The following ASAP1 variants were observed in gnomAD, a reference collection of about 807,000 sequenced individuals.
ASAP1 encodes arf-GAP with SH3 domain, ANK repeat and PH domain-containing protein 1.
A neutral mutation model predicts 145.2 loss-of-function variants in ASAP1; 43 were observed. The observed-to-expected ratio is 0.30, with a 90% CI of 0.23 to 0.38. ASAP1 has a LOEUF of 0.38. ASAP1 is among the 10% of genes least tolerant of loss of function. ASAP1 has a pLI of 1.00. For synonymous variants in ASAP1, 546 were observed against 515.5 expected (o/e 1.06, Z -0.80); for missense variants, 1,018 against 1,355.3 (o/e 0.75, Z 3.91).
chr8:130,116,072 A>C (rs1458416237), intron 22 of ASAP1, among the ~76,000 whole-genome samples: 10 of 152,232 alleles, frequency 6.6e-5, no homozygotes, highest in Non-Finnish European at 1.5e-5. Context: ...GTCCCAGTCC[A>C]ATCTGTGGCC....
chr8:130,407,655 CCA>C (rs932820720), intron 1 of ASAP1, among the ~76,000 whole-genome samples: 13 of 152,234 alleles, frequency 8.5e-5, no homozygotes, highest in Admixed American at 6.5e-4. Flanking sequence ...TTGTTACCAC[CCA>C]CGTTTCTGCT....
At chr8:130,070,896 A>G (rs1465803509) in intron 27 of ASAP1, among the ~76,000 whole-genome samples, 2 of 26,028 alleles carry the variant, frequency 7.7e-5, no homozygotes, top group Non-Finnish European at 1.3e-4. Flanking sequence ...AGAGAGGGAG[A>G]GAGGGAGGGA....
At chr8:130,282,418 A>G (rs1308106890) in intron 3 of ASAP1, among the ~76,000 whole-genome samples, 1 of 152,232 alleles carries the variant, frequency 6.6e-6, no homozygotes, top group Non-Finnish European at 1.5e-5. Context: ...TTATTAGTCT[A>G]TTGGTAAAAA....
At chr8:130,435,947 G>C (rs1221724729) in intron 1 of ASAP1, among the ~76,000 whole-genome samples, 1 of 152,202 alleles carries the variant, frequency 6.6e-6, no homozygotes, top group East Asian at 1.9e-4. Flanking sequence ...CTTTGCTGAA[G>C]CATAATACTG....
rs372376137 is a variant in ASAP1, at chr8:130,138,751, G to A, written c.1081-1713C>T. ...CTCGGGAGGCTGAGGCAGGAGAATC[G>A]CTTGAACTTGGGAGGTGGAGGTTGC... is the stretch of plus-strand genomic sequence containing the variant. On this transcript the variant is annotated intron_variant, in intron 13 of 29. Coordinates refer to ENST00000518721, the MANE Select transcript of ASAP1 (RefSeq NM_018482.4). Among the ~76,000 whole-genome samples, 5 of 150,246 alleles carry A rather than the reference G, an allele frequency of 3.3e-5. No individual in the cohort carries two copies. In the East Asian group the frequency reaches 5.9e-4, roughly 18 times the overall value.
At chr8:130,123,524 G>A (rs1326647083) in intron 18 of ASAP1, among the ~76,000 whole-genome samples, 8 of 152,134 alleles carry the variant, frequency 5.3e-5, no homozygotes, top group South Asian at 2.1e-4. Flanking sequence ...TGTGCATCCC[G>A]GAAATACATT....
intron 4 of ASAP1, among the ~76,000 whole-genome samples, chr8:130,217,996 A>G (rs536974234): frequency 1.6e-4 from 24 of 152,170 alleles, no homozygotes; most frequent in Non-Finnish European, 3.5e-4. Context: ...AGTGGTTGTC[A>G]GCATCTCAGG....
At chr8:130,218,953 T>C (rs960049134) in intron 4 of ASAP1, among the ~76,000 whole-genome samples, 2 of 152,088 alleles carry the variant, frequency 1.3e-5, no homozygotes, top group East Asian at 3.9e-4. Context: ...ATATATATAA[T>C]TTCCTAGCAT....
chr8:130,410,381 CG>C (rs1829213295), intron 1 of ASAP1, among the ~76,000 whole-genome samples: 1 of 152,096 alleles, frequency 6.6e-6, no homozygotes, highest in African/African-American at 2.4e-5. Context: ...GAAACAGCCT[CG>C]GGACCCCCAA....
chr8:130,327,542 G>A (rs1824414217), intron 3 of ASAP1, among the ~76,000 whole-genome samples: 1 of 152,104 alleles, frequency 6.6e-6, no homozygotes, highest in Non-Finnish European at 1.5e-5. Context: ...AAGACTCTCA[G>A]GTGACTCTAC....
At chr8:130,146,717 G>C (rs911593006) in intron 13 of ASAP1, among the ~76,000 whole-genome samples, 1 of 152,104 alleles carries the variant, frequency 6.6e-6, no homozygotes, top group Non-Finnish European at 1.5e-5. Flanking sequence ...TATCTTCAGC[G>C]CTCTGGATGG....
chr8:130,247,256 C>A (rs1818907096), intron 3 of ASAP1, among the ~76,000 whole-genome samples: 1 of 152,078 alleles, frequency 6.6e-6, no homozygotes, highest in Non-Finnish European at 1.5e-5. Context: ...TCTTTTCTCC[C>A]CAGTATTGAT....
chr8:130,307,390 A>T (rs1823058536), intron 3 of ASAP1, among the ~76,000 whole-genome samples: 1 of 152,196 alleles, frequency 6.6e-6, no homozygotes, highest in African/African-American at 2.4e-5. Flanking sequence ...GGGAACTGTT[A>T]ATCTATAATA....
intron 3 of ASAP1, among the ~76,000 whole-genome samples, chr8:130,254,844 C>T (rs146083074): frequency 0.012 from 1,878 of 151,856 alleles, 12 homozygotes; most frequent in Non-Finnish European, 0.019. Flanking sequence ...GTAGCAACAA[C>T]CAATCTAACA....
chr8:130,345,121 G>T (rs1825628745), intron 3 of ASAP1, among the ~76,000 whole-genome samples: 1 of 152,108 alleles, frequency 6.6e-6, no homozygotes, highest in South Asian at 2.1e-4. Flanking sequence ...TGAGAAAATA[G>T]TGGCTTTGTT....
chr8:130,152,698 T>C, intron 13 of ASAP1, 38 bp downstream of exon 13: 1 of 1,531,828 alleles, frequency 6.5e-7, no homozygotes, highest in Middle Eastern at 1.7e-4. Context: ...GTTTGCTTTC[T>C]GGCCCATGAG....
At chr8:130,085,737 AG>A (rs71517932) in intron 25 of ASAP1, among the ~76,000 whole-genome samples, 17 of 149,072 alleles carry the variant, frequency 1.1e-4, no homozygotes, top group East Asian at 3.9e-4. Context: ...GTTGTCTTTA[AG>A]AAAAAAAAAA....
rs570060227 is a variant in ASAP1, at chr8:130,407,986, A to C, written c.-27-6016T>G. Among the ~76,000 whole-genome samples the C allele has an allele frequency of 2.6e-5, 4 of 152,330 alleles. No individual in the cohort carries two copies. In the East Asian group the frequency reaches 7.7e-4, roughly 29 times the overall value. ...CCTGTTCTGTGGAAGCTGTACTTAGAAAATCAGGGACCTAAAGAAAATAGA... is the reference window on the plus strand; with the variant it reads ...CCTGTTCTGTGGAAGCTGTACTTAGCAAATCAGGGACCTAAAGAAAATAGA... On this transcript the variant is annotated intron_variant, in intron 1 of 29. Coordinates refer to ENST00000518721, the MANE Select transcript of ASAP1 (RefSeq NM_018482.4).
intron 4 of ASAP1, among the ~76,000 whole-genome samples, chr8:130,218,850 T>C (rs535815596): frequency 4.0e-5 from 6 of 150,350 alleles, no homozygotes; most frequent in African/African-American, 7.3e-5. Flanking sequence ...TCTCTTTCCA[T>C]ATATATATAT....
Sources: allele counts gnomAD v4.1 joint callset (sites outside exome capture counted in the v4.1 genomes callset), GRCh38; gene constraint gnomAD v4.1.1; transcripts MANE v1.5; gene names NCBI Gene and HGNC (gene_info 2026-07-23, HGNC 2026-07-21).